The following DPP4 variants were observed in gnomAD, a reference collection of about 807,000 sequenced individuals.
DPP4 encodes the protein dipeptidyl peptidase 4, also known as ADCP-2.
In DPP4, 93 loss-of-function variants were observed where a neutral mutation model predicts 122.4. That is an observed-to-expected ratio of 0.76 (90% CI 0.64 to 0.90). The LOEUF is 0.90. Among genes scored for constraint, DPP4 ranks in the 40% least tolerant of loss-of-function variants. The probability of loss-of-function intolerance (pLI) is 0.00; values close to 1 mark genes in which losing one functional copy is unlikely to be tolerated. For synonymous variants in DPP4, 321 were observed against 302.9 expected (o/e 1.06, Z -0.62); for missense variants, 914 against 907.3 (o/e 1.01, Z -0.09).
At position 161,993,300 on chromosome 2, in the gene DPP4, A is replaced by G; in HGVS notation, c.2284T>C (p.Cys762Arg). ...YTHMSHFIKQCFSLP is the reference protein window; with the variant it reads ...YTHMSHFIKQRFSLP ...TTGAGGTGCTAAGGTAAAGAGAAAC[A>G]TTGTTTTATGAAGTGGCTCATGTGG... Residue 762 changes from cysteine to arginine, a missense_variant, in exon 26 of 26, where the codon TGT (cysteine) becomes CGT (arginine). By Grantham distance (180) the Cys-to-Arg change is radical. Transcript: ENST00000360534. 6.2e-7 allele frequency: 1 copy of G among 1,612,726 alleles called. No homozygotes were observed. Among genetic ancestry groups the G allele is most frequent in the South Asian group, 1.1e-5 (1 of 91,038 alleles).
chr2:162,033,715 C>G, intron 9 of DPP4, 62 bp from the exon 10 acceptor site: 1 of 1,108,328 alleles, frequency 9.0e-7, no homozygotes, highest in South Asian at 1.4e-5. Context: ...TCGTTGCACA[C>G]ATTTTAAAAC....
In DPP4 at chr2:162,009,223, C is replaced by T. The variant is rs760160173; in HGVS notation, c.1887+18G>A. On this transcript the variant is annotated intron_variant, in intron 21 of 25. Transcript: ENST00000360534. ...ATTCACTAACGAATGCATACAGATT[C>T]ATCAGTCAACTACTCACCCAGCCCC... The T allele has an allele frequency of 6.2e-7, 1 of 1,612,838 alleles. No homozygotes were observed. The highest frequency in any genetic ancestry group is 8.5e-7 in the Non-Finnish European group (1 of 1,179,004).
intron 9 of DPP4, among the ~76,000 whole-genome samples, chr2:162,033,883 T>C (rs1470392947): frequency 7.1e-6 from 1 of 140,572 alleles, no homozygotes; most frequent in Non-Finnish European, 1.5e-5. Context: ...TATATATATA[T>C]ATATATATAT....
intron 4 of DPP4, 82 bp downstream of exon 4, chr2:162,046,833 A>T: frequency 1.1e-6 from 1 of 899,716 alleles, no homozygotes; most frequent in East Asian, 2.4e-5. Flanking sequence ...CAGGTTGAGA[A>T]ATGACAGTAC....
chr2:162,031,696 C>A (rs960513771), intron 10 of DPP4, among the ~76,000 whole-genome samples: 15 of 152,102 alleles, frequency 9.9e-5, no homozygotes, highest in Admixed American at 4.6e-4. Flanking sequence ...TCGTGAAAAC[C>A]CCATGTTCTC....
At position 162,033,612 on chromosome 2, in the gene DPP4, AT is replaced by A; in HGVS notation, c.815del (p.Asn272IlefsTer23). On this transcript the variant is annotated frameshift_variant, in exon 10 of 26. Coordinates refer to ENST00000360534, the MANE Select transcript of DPP4 (RefSeq NM_001935.4). LOFTEE classifies it high-confidence loss of function. Reference sequence around the variant, plus strand: ...TGGTGACTGAGCTGAGAGAGTCTGTATTTACAACAAAGAACTTTACAGTTGG... The same window carrying A: ...TGGTGACTGAGCTGAGAGAGTCTGTATTACAACAAAGAACTTTACAGTTGG... ...VNPTVKFFVV[N>X]TDSLSSVTNA... The A allele has an allele frequency of 2.5e-6, 4 of 1,612,972 alleles. No individual in the cohort carries two copies. Among genetic ancestry groups the A allele is most frequent in the Non-Finnish European group, 3.4e-6 (4 of 1,179,552 alleles).
At chr2:162,044,035 GA>G (rs1478619032) in intron 5 of DPP4, among the ~76,000 whole-genome samples, 1 of 151,784 alleles carries the variant, frequency 6.6e-6, no homozygotes, top group Non-Finnish European at 1.5e-5. Flanking sequence ...CTCAAAAAAA[GA>G]AAAAAAGATA....
chr2:161,994,181 A>G (rs1327217066), intron 25 of DPP4, among the ~76,000 whole-genome samples: 5 of 152,218 alleles, frequency 3.3e-5, no homozygotes, highest in African/African-American at 2.4e-5. Flanking sequence ...AGAAAAATAA[A>G]CTTCAACCTC....
At position 162,005,165 on chromosome 2, in the gene DPP4, T is replaced by C. The variant is rs189494322; in HGVS notation, c.2052+580A>G. Among the ~76,000 whole-genome samples, 245 of 152,318 alleles carry C rather than the reference T, an allele frequency of 1.6e-3. 2 individuals are homozygous for C. Among genetic ancestry groups the C allele is most frequent in the African/African-American group, 5.7e-3 (238 of 41,576 alleles). ...CACCCACACCATATTTTAAATGCTA[T>C]AGCCCATCTGCAGAGCAACCTGCCC... On this transcript the variant is annotated intron_variant, in intron 23 of 25. Coordinates refer to ENST00000360534, the MANE Select transcript of DPP4 (RefSeq NM_001935.4).
chr2:162,002,305 G>C (rs1038557478), intron 23 of DPP4, among the ~76,000 whole-genome samples: 5 of 152,116 alleles, frequency 3.3e-5, no homozygotes, highest in African/African-American at 1.2e-4. Flanking sequence ...TGGTGATGTG[G>C]ATTTCTCTAA....
intron 5 of DPP4, among the ~76,000 whole-genome samples, chr2:162,041,763 C>G (rs1400874159): frequency 2.0e-5 from 3 of 152,160 alleles, no homozygotes; most frequent in African/African-American, 4.8e-5. Context: ...GGTATGTTCA[C>G]TTCATCTTTT....
intron 8 of DPP4, among the ~76,000 whole-genome samples, chr2:162,037,996 T>A (rs1683840503): frequency 6.6e-6 from 1 of 152,146 alleles, no homozygotes; most frequent in African/African-American, 2.4e-5. Context: ...TATCTGATGT[T>A]AATCTGGAGG....
intron 10 of DPP4, among the ~76,000 whole-genome samples, chr2:162,030,445 A>G (rs1381217639): frequency 6.6e-6 from 1 of 152,184 alleles, no homozygotes; most frequent in African/African-American, 2.4e-5. Flanking sequence ...TGGTGAAGGG[A>G]TATGGCCTAA....
intron 5 of DPP4, among the ~76,000 whole-genome samples, chr2:162,040,895 A>G (rs1683960980): frequency 6.6e-6 from 1 of 152,020 alleles, no homozygotes; most frequent in African/African-American, 2.4e-5. Context: ...TATAAACCTA[A>G]AGCTGTTCTG....
intron 11 of DPP4, among the ~76,000 whole-genome samples, chr2:162,023,004 C>T (rs1683190104): frequency 6.6e-6 from 1 of 152,210 alleles, no homozygotes; most frequent in African/African-American, 2.4e-5. Flanking sequence ...CTGGGTCCTT[C>T]TGGAAGCTCC....
intron 16 of DPP4, chr2:162,017,398 A>G (rs2106097093): frequency 2.1e-6 from 1 of 482,842 alleles, no homozygotes; most frequent in South Asian, 4.1e-5. Context: ...GAAGTAGGAA[A>G]TGAATCTGTG....
chr2:162,049,401 C>A (rs955800344), intron 2 of DPP4, among the ~76,000 whole-genome samples: 1 of 151,686 alleles, frequency 6.6e-6, no homozygotes. Flanking sequence ...GCCACATATT[C>A]TCACTTATAA....
intron 23 of DPP4, among the ~76,000 whole-genome samples, chr2:162,004,591 ACACACACACACG>A (rs1475209374): frequency 3.3e-5 from 5 of 151,882 alleles, no homozygotes; most frequent in African/African-American, 1.2e-4. Context: ...CCCTGCACAC[ACACACACACACG>A]CACACACACA....
intron 17 of DPP4, 89 bp downstream of exon 17, chr2:162,017,019 C>A: frequency 6.7e-7 from 1 of 1,484,404 alleles, no homozygotes; most frequent in Non-Finnish European, 9.2e-7. Flanking sequence ...GACACAAAGC[C>A]AAAGAAAATC....
Sources: gnomAD v4.1 joint callset for allele counts (sites outside exome capture counted in the v4.1 genomes callset) on GRCh38, gnomAD v4.1.1 for gene constraint, MANE v1.5 for transcripts, NCBI Gene and HGNC (gene_info 2026-07-23, HGNC 2026-07-21) for gene names.